KCNIP1: variants seen among roughly 807,000 people sequenced by gnomAD.
The protein encoded by KCNIP1 is potassium voltage-gated channel interacting protein 1.
KCNIP1 carries 18 observed loss-of-function variants against 33.0 expected under a neutral mutation model. The ratio of observed to expected loss-of-function variants is 0.55; its 90% CI spans 0.38 to 0.81. The LOEUF (loss-of-function observed/expected upper bound fraction) is 0.81. Among genes scored for constraint, KCNIP1 ranks in the 30% least tolerant of loss-of-function variants. The probability of loss-of-function intolerance (pLI) is 0.00; values close to 1 mark genes in which losing one functional copy is unlikely to be tolerated. For missense variants in KCNIP1, 238 were observed against 271.6 expected, an observed-to-expected ratio of 0.88 and a Z score of 0.87; for synonymous variants, 93 against 98.3, an observed-to-expected ratio of 0.95 and a Z score of 0.32.
intron 1 of KCNIP1, among the ~76,000 whole-genome samples, chr5:170,474,301 C>A (rs998162859): frequency 2.0e-5 from 3 of 152,182 alleles, no homozygotes; most frequent in Non-Finnish European, 4.4e-5. Context: ...CAAAGCACCC[C>A]TATTCCTTTC....
intron 1 of KCNIP1, among the ~76,000 whole-genome samples, chr5:170,644,587 G>T (rs538116274): frequency 7.9e-5 from 12 of 152,296 alleles, no homozygotes; most frequent in Middle Eastern, 3.4e-3. Context: ...AATGATGAGT[G>T]ACTCAACAGT....
chr5:170,730,571 T>C (rs1488099769), intron 5 of KCNIP1, among the ~76,000 whole-genome samples: 1 of 152,116 alleles, frequency 6.6e-6, no homozygotes, highest in African/African-American at 2.4e-5. Context: ...TCAATGGCCA[T>C]GTAGATGTGA....
intron 1 of KCNIP1, among the ~76,000 whole-genome samples, chr5:170,617,248 A>C (rs1446133698): frequency 6.6e-6 from 1 of 152,072 alleles, no homozygotes; most frequent in Non-Finnish European, 1.5e-5. Context: ...GGCATTGTGG[A>C]CAAGAAGGGT....
chr5:170,574,089 G>A (rs1245631116), intron 1 of KCNIP1, among the ~76,000 whole-genome samples: 3 of 152,276 alleles, frequency 2.0e-5, no homozygotes, highest in African/African-American at 4.8e-5. Context: ...TAGGGCTAAT[G>A]AGAAAAATAA....
intron 1 of KCNIP1, chr5:170,376,149 T>C (rs1025176266): frequency 2.8e-5 from 4 of 144,390 alleles, no homozygotes; most frequent in Non-Finnish European, 6.0e-5. Flanking sequence ...CATGACTTAT[T>C]CTTTTTTTTT....
chr5:170,664,666 G>A (rs958000204), intron 1 of KCNIP1, among the ~76,000 whole-genome samples: 8 of 152,122 alleles, frequency 5.3e-5, no homozygotes, highest in African/African-American at 1.2e-4. Context: ...GCTAGATTTC[G>A]GGGATGAAAA....
At chr5:170,415,381 G>A (rs1001314457) in intron 1 of KCNIP1, among the ~76,000 whole-genome samples, 1 of 152,076 alleles carries the variant, frequency 6.6e-6, no homozygotes, top group Non-Finnish European at 1.5e-5. Context: ...TTTGCTGTGG[G>A]GGGACTCTCC....
chr5:170,591,636 C>T (rs1466632488), intron 1 of KCNIP1, among the ~76,000 whole-genome samples: 1 of 152,154 alleles, frequency 6.6e-6, no homozygotes, highest in African/African-American at 2.4e-5. Context: ...TAGCAACTAC[C>T]ATTCTATTTT....
At chr5:170,492,001 T>C (rs938884118) in intron 1 of KCNIP1, among the ~76,000 whole-genome samples, 1 of 152,236 alleles carries the variant, frequency 6.6e-6, no homozygotes, top group African/African-American at 2.4e-5. Context: ...AGTTCTCTTT[T>C]CTTGCTCACG....
chr5:170,588,996 C>CTTTTT (rs67130531), intron 1 of KCNIP1, among the ~76,000 whole-genome samples: 17 of 117,386 alleles, frequency 1.4e-4, no homozygotes, highest in Non-Finnish European at 2.2e-4. Context: ...ATACTTACTT[C>CTTTTT]TTTTTTTTTT....
At chr5:170,539,989 A>C (rs949451771) in intron 1 of KCNIP1, among the ~76,000 whole-genome samples, 2 of 152,170 alleles carry the variant, frequency 1.3e-5, no homozygotes, top group Non-Finnish European at 2.9e-5. Flanking sequence ...AAGATTTTTT[A>C]AATAATAATA....
At chr5:170,559,680 T>C (rs943765639) in intron 1 of KCNIP1, among the ~76,000 whole-genome samples, 1 of 152,178 alleles carries the variant, frequency 6.6e-6, no homozygotes, top group African/African-American at 2.4e-5. Context: ...AAAAACACCC[T>C]CTGGACATTT....
At chr5:170,471,219 A>C (rs1756717475) in intron 1 of KCNIP1, among the ~76,000 whole-genome samples, 1 of 152,136 alleles carries the variant, frequency 6.6e-6, no homozygotes, top group East Asian at 1.9e-4. Flanking sequence ...CCTATCTTGA[A>C]CTATCGGTTG....
chr5:170,470,943 T>C (rs368093062), intron 1 of KCNIP1, among the ~76,000 whole-genome samples: 15 of 152,134 alleles, frequency 9.9e-5, no homozygotes, highest in African/African-American at 3.6e-4. Context: ...CACTTTCCAT[T>C]TGGTGGAGGT....
intron 1 of KCNIP1, among the ~76,000 whole-genome samples, chr5:170,363,453 T>TAC (rs1365385513): frequency 1.3e-5 from 2 of 151,770 alleles, no homozygotes; most frequent in African/African-American, 2.4e-5. Context: ...AGACCAGGAG[T>TAC]ACACACACAC....
chr5:170,456,180 G>A (rs1279354850), intron 1 of KCNIP1, among the ~76,000 whole-genome samples: 1 of 152,130 alleles, frequency 6.6e-6, no homozygotes, highest in East Asian at 1.9e-4. Flanking sequence ...GAAGCTGGAA[G>A]CCATCATTCT....
chr5:170,700,910 T>C (rs760388627), intron 1 of KCNIP1, among the ~76,000 whole-genome samples: 16 of 152,338 alleles, frequency 1.1e-4, no homozygotes, highest in Middle Eastern at 3.4e-3. Flanking sequence ...CCCAATATAA[T>C]ATTTTGTTTG....
intron 1 of KCNIP1, among the ~76,000 whole-genome samples, chr5:170,656,992 C>CTTTTTTTTTTT (rs11397076): frequency 6.9e-5 from 8 of 116,438 alleles, no homozygotes; most frequent in African/African-American, 2.5e-4. Flanking sequence ...TTTTTTCTTT[C>CTTTTTTTTTTT]TTTCTTTTTT....
chr5:170,395,522 G>A (rs190413990), intron 1 of KCNIP1, among the ~76,000 whole-genome samples: 205 of 152,330 alleles, frequency 1.3e-3, no homozygotes, highest in Middle Eastern at 6.8e-3. Flanking sequence ...TCTGCTATGG[G>A]CAGACCTGTT....
Sources: gnomAD v4.1 joint callset for allele counts (sites outside exome capture counted in the v4.1 genomes callset) on GRCh38, gnomAD v4.1.1 for gene constraint, MANE v1.5 for transcripts, NCBI Gene and HGNC (gene_info 2026-07-23, HGNC 2026-07-21) for gene names.